The following DTNB variants were observed in gnomAD, a reference collection of about 807,000 sequenced individuals.
DTNB encodes dystrobrevin beta, also known as DTN-B.
In DTNB, 63 loss-of-function variants were observed where a neutral mutation model predicts 90.7. That is an observed-to-expected ratio of 0.69 (90% confidence interval 0.57 to 0.86). DTNB has a LOEUF of 0.86. Ranked by LOEUF, DTNB falls within the 40% of genes least tolerant of loss-of-function variation. The pLI is 0.00. For missense variants in DTNB, 744 were observed against 807.1 expected (o/e 0.92, Z 0.95); for synonymous variants, 277 against 286.7 (o/e 0.97, Z 0.34).
At chr2:25,470,740 T>G (rs1294743882) in intron 10 of DTNB, among the ~76,000 whole-genome samples, 2 of 152,168 alleles carry the variant, frequency 1.3e-5, no homozygotes, top group Non-Finnish European at 2.9e-5. Context: ...TGTAAACACA[T>G]GCCTGCTGTT....
At chr2:25,634,119 G>A (rs1054093285) in intron 3 of DTNB, among the ~76,000 whole-genome samples, 4 of 150,762 alleles carry the variant, frequency 2.7e-5, no homozygotes, top group African/African-American at 9.7e-5. Context: ...GGGCGAGTCA[G>A]CCCCCTGCCC....
rs1172337205 is a variant in DTNB at position 25,545,917 on chromosome 2, C to T, written c.877-14320G>A. Among the ~76,000 whole-genome samples, 7 of 152,168 alleles carry T rather than the reference C, an allele frequency of 4.6e-5. No homozygotes were observed. In the South Asian group the frequency reaches 8.3e-4, roughly 18 times the overall value. On this transcript the variant is annotated intron_variant, in intron 8 of 20. Transcript: ENST00000406818. The stretch of plus-strand genomic sequence containing the variant: ...GATTACAGGCATGAGCCACCGTGCC[C>T]GGCTTAGAAACTTAATTTTTAACTT...
rs201329435 is a variant in DTNB at position 25,613,483 on chromosome 2, TGAGA to T, written c.363-6166_363-6163del. ...CCTATGTTTAGCTCCCACTTATAAATGAGAACATGTCGGTATTTGGTTTTCTGTT... is the reference window on the plus strand; with the variant it reads ...CCTATGTTTAGCTCCCACTTATAAATACATGTCGGTATTTGGTTTTCTGTT... On this transcript the variant is annotated intron_variant, in intron 4 of 20. Coordinates refer to ENST00000406818, the MANE Select transcript of DTNB (RefSeq NM_021907.5). 2.0e-3 allele frequency among the ~76,000 whole-genome samples: 308 copies of T among 152,292 alleles called. 6 individuals are homozygous for T. The East Asian group carries it at 0.025, about 12-fold the overall frequency.
chr2:25,562,091 T>C (rs186660284), intron 8 of DTNB, among the ~76,000 whole-genome samples: 4 of 152,338 alleles, frequency 2.6e-5, no homozygotes, highest in African/African-American at 9.6e-5. Context: ...CGGAAACTAC[T>C]AATGTACATT....
At chr2:25,502,595 G>T (rs530793373) in intron 9 of DTNB, among the ~76,000 whole-genome samples, 1 of 151,736 alleles carries the variant, frequency 6.6e-6, no homozygotes, top group Admixed American at 6.6e-5. Context: ...ATAAAAATCA[G>T]CAGAGCAGCC....
chr2:25,405,424 C>G (rs1338094233), intron 16 of DTNB, among the ~76,000 whole-genome samples: 3 of 152,064 alleles, frequency 2.0e-5, no homozygotes, highest in Non-Finnish European at 4.4e-5. Context: ...ACCTGTAATC[C>G]CAGCTACTCG....
At chr2:25,665,215 C>G (rs1026812896) in intron 1 of DTNB, among the ~76,000 whole-genome samples, 4 of 152,148 alleles carry the variant, frequency 2.6e-5, no homozygotes, top group African/African-American at 9.7e-5. Flanking sequence ...TTGTTAATTT[C>G]TTAACCCTGC....
chr2:25,415,791 C>A (rs956155353), intron 16 of DTNB, among the ~76,000 whole-genome samples: 6 of 152,046 alleles, frequency 3.9e-5, no homozygotes, highest in African/African-American at 1.4e-4. Context: ...GTGGTATATA[C>A]CCCAACTCCA....
At chr2:25,643,326 C>T (rs909789478) in intron 2 of DTNB, among the ~76,000 whole-genome samples, 1 of 152,198 alleles carries the variant, frequency 6.6e-6, no homozygotes, top group Non-Finnish European at 1.5e-5. Flanking sequence ...GTGCTTCCCC[C>T]ATGTGGCTCC....
chr2:25,634,257 G>A (rs12990682), intron 3 of DTNB, among the ~76,000 whole-genome samples: 75 of 128,470 alleles, frequency 5.8e-4, no homozygotes, highest in South Asian at 4.2e-3. Flanking sequence ...CCCCCCGCCC[G>A]GCCAGCCGCC....
chr2:25,561,917 T>C (rs573135624), intron 8 of DTNB, among the ~76,000 whole-genome samples: 1 of 152,332 alleles, frequency 6.6e-6, no homozygotes, highest in South Asian at 2.1e-4. Context: ...TGAGATACTA[T>C]TCATATGCCA....
At chr2:25,650,735 C>T (rs858663) in intron 2 of DTNB, among the ~76,000 whole-genome samples, 3,967 of 152,172 alleles carry the variant, frequency 0.026, 67 homozygotes, top group African/African-American at 0.05. Context: ...CCAAGACAGG[C>T]GGATCACTTG....
intron 8 of DTNB, among the ~76,000 whole-genome samples, chr2:25,543,302 TTTTGTTTTTTG>T (rs1390983017): frequency 7.4e-4 from 100 of 134,848 alleles, no homozygotes; most frequent in African/African-American, 3.0e-3. Flanking sequence ...GTTTTTTTTG[TTTTGTTTTTTG>T]TTTTTTTTTT....
In DTNB at chr2:25,640,045, G is replaced by C. The variant is rs572350756; in HGVS notation, c.68-951C>G. On this transcript the variant is annotated intron_variant, in intron 2 of 20. Coordinates refer to ENST00000406818, the MANE Select transcript of DTNB (RefSeq NM_021907.5). ...ATCATGAAGCAAAGTCAAGATGTCA[G>C]CACTGAACGCTGTTCTGAGTCTAGA... Among the ~76,000 whole-genome samples, 5 of 152,344 alleles carry C rather than the reference G, an allele frequency of 3.3e-5. No homozygotes were observed. The South Asian group carries it at 1.0e-3, about 32-fold the overall frequency.
At chr2:25,581,958 G>GA (rs2061615409) in intron 6 of DTNB, among the ~76,000 whole-genome samples, 1 of 152,198 alleles carries the variant, frequency 6.6e-6, no homozygotes, top group South Asian at 2.1e-4. Context: ...TGGCTGGGGC[G>GA]AAGCCAAAAG....
Position 25,421,684 on chromosome 2 carries a change from G to A in DTNB, c.1555-2149C>T, listed in dbSNP as rs2049769835. On this transcript the variant is annotated intron_variant, in intron 15 of 20. Transcript: ENST00000406818. ...GCTGAAATTGTATCCGAGGTCAAAAGACCAGTATGTAATTTCTTAGAACTG... is the reference window on the plus strand; with the variant it reads ...GCTGAAATTGTATCCGAGGTCAAAAAACCAGTATGTAATTTCTTAGAACTG... Among the ~76,000 whole-genome samples the A allele has an allele frequency of 2.0e-5, 3 of 152,200 alleles. No homozygotes were observed. The South Asian group carries it at 6.2e-4, about 31-fold the overall frequency.
chr2:25,502,888 A>T (rs1433842642), intron 9 of DTNB, among the ~76,000 whole-genome samples: 1 of 148,480 alleles, frequency 6.7e-6, no homozygotes, highest in Non-Finnish European at 1.5e-5. Context: ...TCTAAAAAAA[A>T]AAAAAAAAAA....
intron 16 of DTNB, among the ~76,000 whole-genome samples, chr2:25,391,750 G>A (rs1002409477): frequency 1.1e-4 from 16 of 152,084 alleles, no homozygotes; most frequent in African/African-American, 3.6e-4. Context: ...AATAAAATTG[G>A]AAAGCAACTC....
At chr2:25,648,989 C>T (rs1461913095) in intron 2 of DTNB, among the ~76,000 whole-genome samples, 10 of 145,008 alleles carry the variant, frequency 6.9e-5, no homozygotes, top group Non-Finnish European at 1.5e-4. Flanking sequence ...GCTATCCTTC[C>T]TACCTTTTTT....
Sources: allele counts gnomAD v4.1 joint callset (sites outside exome capture counted in the v4.1 genomes callset), GRCh38; gene constraint gnomAD v4.1.1; transcripts MANE v1.5; gene names NCBI Gene and HGNC (gene_info 2026-07-23, HGNC 2026-07-21).